Variants in GASK1A observed in about 807,000 individuals in gnomAD.
GASK1A encodes Golgi-associated kinase 1A.
Under a neutral mutation model 41.2 loss-of-function variants are expected in GASK1A, and 40 were observed. The ratio of observed to expected loss-of-function variants is 0.97; its 90% CI spans 0.75 to 1.27. GASK1A has a LOEUF of 1.27. Among genes scored for constraint, GASK1A ranks in the 50% most tolerant of loss-of-function variants. The probability of loss-of-function intolerance (pLI) is 0.00; values close to 1 mark genes in which losing one functional copy is unlikely to be tolerated. For synonymous variants in GASK1A, 316 were observed against 307.1 expected (o/e 1.03, Z -0.30); for missense variants, 678 against 745.1 (o/e 0.91, Z 1.05).
At chr3:42,986,383 T>C (rs542394) in intron 1 of GASK1A, among the ~76,000 whole-genome samples, 111,611 of 152,104 alleles carry the variant, frequency 0.73, 42,054 homozygotes, top group East Asian at 0.97. Flanking sequence ...AACTGTTGTG[T>C]CCTGACTGTG....
intron 1 of GASK1A, among the ~76,000 whole-genome samples, chr3:43,019,950 C>A (rs2089513240): frequency 6.6e-6 from 1 of 152,200 alleles, no homozygotes; most frequent in Non-Finnish European, 1.5e-5. Context: ...TTGCCCATGG[C>A]AGTTTGGTGG....
intron 1 of GASK1A, 80 bp from the exon 2 acceptor site, chr3:43,032,187 G>T: frequency 8.7e-7 from 1 of 1,153,470 alleles, no homozygotes; most frequent in Non-Finnish European, 1.2e-6. Flanking sequence ...CACCTCATTT[G>T]CTTACCATCC....
chr3:43,004,556 T>C lies in GASK1A; in HGVS notation c.3+24911T>C, dbSNP rs148597628. On this transcript the variant is annotated intron_variant, in intron 1 of 4. Coordinates refer to ENST00000430121, the MANE Select transcript of GASK1A (RefSeq NM_001129908.3). ...CTTTGGAGTTCCTTTTCATCATTTA[T>C]CAAAAATGAGGGTGGAAAACTGGAA... Among the ~76,000 whole-genome samples, 685 of 152,290 alleles carry C rather than the reference T, an allele frequency of 4.5e-3. 3 individuals are homozygous for C. Among genetic ancestry groups the C allele is most frequent in the Middle Eastern group, 0.02 (6 of 294 alleles).
chr3:43,033,032 G>T lies in GASK1A; in HGVS notation c.769G>T (p.Ala257Ser), dbSNP rs540079615. 1.5e-4 allele frequency: 234 copies of T among 1,551,704 alleles called. No individual in the cohort carries two copies. The highest frequency in any genetic ancestry group is 1.9e-4 in the Non-Finnish European group (221 of 1,147,004). Residue 257 changes from alanine to serine, a missense_variant, in exon 2 of 5, where the codon GCT (alanine) becomes TCT (serine). By Grantham distance (99) the Ala-to-Ser change is moderately conservative. Coordinates refer to ENST00000430121, the MANE Select transcript of GASK1A (RefSeq NM_001129908.3). ...LLSSSRTGGQ[A>S]PPWLTDHDVQ... Reference sequence around the variant, plus strand: ...GAGCAGCTCGAGGACTGGTGGGCAGGCTCCCCCATGGCTGACAGACCACGA... The same window carrying T: ...GAGCAGCTCGAGGACTGGTGGGCAGTCTCCCCCATGGCTGACAGACCACGA...
At chr3:43,020,123 C>G (rs967884411) in intron 1 of GASK1A, among the ~76,000 whole-genome samples, 1 of 152,086 alleles carries the variant, frequency 6.6e-6, no homozygotes, top group African/African-American at 2.4e-5. Flanking sequence ...TAGAGGCAGT[C>G]TGGGGAGTGG....
rs974433681 is a variant in GASK1A at position 43,032,466 on chromosome 3, G to A, written c.203G>A (p.Arg68Gln). The A allele has an allele frequency of 2.1e-5, 33 of 1,550,938 alleles. No individual in the cohort carries two copies. Among genetic ancestry groups the A allele is most frequent in the African/African-American group, 1.9e-4 (14 of 73,038 alleles). The change falls in exon 2 of 5, where the codon CGG (arginine) becomes CAG (glutamine). Residue 68 changes from arginine (R) to glutamine (Q), a missense_variant. By Grantham distance (43) the Arg-to-Gln change is conservative. Coordinates refer to ENST00000430121, the MANE Select transcript of GASK1A (RefSeq NM_001129908.3). ...ATCCGGCAGGCTTTGAGCTCCAGCC[G>A]GAGGCAGCGGGCAAGAAACATGGGC... The part of the protein sequence containing the change: ...THIRQALSSS[R>Q]RQRARNMGFW...
intron 4 of GASK1A, 156 bp from the exon 5 acceptor site, chr3:43,056,020 G>T: frequency 1.6e-6 from 1 of 625,564 alleles, no homozygotes; most frequent in Non-Finnish European, 2.8e-6. Flanking sequence ...CTGTTAGTGA[G>T]ATAGCAGGTG....
chr3:43,054,250 T>C (rs2089705943), intron 3 of GASK1A: 1 of 166,714 alleles, frequency 6.0e-6, no homozygotes, highest in East Asian at 1.6e-4. Flanking sequence ...AGCCTCCCTT[T>C]GCTCTTAGAG....
chr3:43,025,277 G>T (rs2089541531), intron 1 of GASK1A, among the ~76,000 whole-genome samples: 1 of 152,088 alleles, frequency 6.6e-6, no homozygotes, highest in Non-Finnish European at 1.5e-5. Context: ...GAGCTGTTTA[G>T]GAGGAAAAAT....
At chr3:43,034,566 G>A (rs2089595769) in intron 2 of GASK1A, among the ~76,000 whole-genome samples, 1 of 152,210 alleles carries the variant, frequency 6.6e-6, no homozygotes, top group African/African-American at 2.4e-5. Flanking sequence ...AATGGACATG[G>A]AACCAGCCCC....
intron 1 of GASK1A, among the ~76,000 whole-genome samples, chr3:42,996,675 G>A (rs1278822596): frequency 6.6e-6 from 1 of 152,224 alleles, no homozygotes; most frequent in African/African-American, 2.4e-5. Context: ...TGCTAGGCTG[G>A]TGATGGCAGG....
chr3:43,053,720 A>C (rs773564738), intron 3 of GASK1A, 77 bp downstream of exon 3: 5 of 1,484,048 alleles, frequency 3.4e-6, no homozygotes, highest in African/African-American at 2.8e-5. Flanking sequence ...GCTGTTAACA[A>C]GTTTCAGAGA....
intron 1 of GASK1A, among the ~76,000 whole-genome samples, chr3:43,011,399 AAT>A (rs1491242530): frequency 1.4e-5 from 2 of 147,418 alleles, no homozygotes; most frequent in Admixed American, 6.7e-5. Context: ...AAAAAAAAAA[AAT>A]GGTTAGGAGA....
intron 1 of GASK1A, 52 bp from the exon 2 acceptor site, chr3:43,032,215 G>C: frequency 1.4e-6 from 2 of 1,387,472 alleles, no homozygotes; most frequent in East Asian, 5.1e-5. Flanking sequence ...TTTGTGGGTT[G>C]AGCTGATGTA....
intron 1 of GASK1A, among the ~76,000 whole-genome samples, chr3:42,985,586 T>TGTGG (rs1237908326): frequency 0.16 from 23,380 of 144,116 alleles, 2,375 homozygotes; most frequent in Middle Eastern, 0.24. Context: ...TGTGTGTGTG[T>TGTGG]GGGCGGAGGC....
At chr3:42,986,024 T>G (rs2089307161) in intron 1 of GASK1A, among the ~76,000 whole-genome samples, 1 of 152,202 alleles carries the variant, frequency 6.6e-6, no homozygotes, top group Non-Finnish European at 1.5e-5. Context: ...CAAAAAAACC[T>G]GATGCAAATG....
At chr3:43,039,285 C>T (rs1335224685) in intron 2 of GASK1A, among the ~76,000 whole-genome samples, 1 of 150,888 alleles carries the variant, frequency 6.6e-6, no homozygotes, top group Non-Finnish European at 1.5e-5. Flanking sequence ...TCATTGCAAC[C>T]TCCACCTCCC....
intron 2 of GASK1A, among the ~76,000 whole-genome samples, chr3:43,044,606 G>A (rs1049354528): frequency 6.6e-6 from 1 of 152,192 alleles, no homozygotes; most frequent in Middle Eastern, 3.2e-3. Context: ...GGACATAGTG[G>A]AGGCAGGATT....
intron 1 of GASK1A, among the ~76,000 whole-genome samples, chr3:42,997,441 G>GA (rs1162418889): frequency 7.4e-6 from 1 of 135,738 alleles, no homozygotes; most frequent in Non-Finnish European, 1.7e-5. Flanking sequence ...AGAGAGAGGG[G>GA]GGGGGGATCT....
Sources: gnomAD v4.1 joint callset for allele counts (sites outside exome capture counted in the v4.1 genomes callset) on GRCh38, gnomAD v4.1.1 for gene constraint, MANE v1.5 for transcripts, NCBI Gene and HGNC (gene_info 2026-07-23, HGNC 2026-07-21) for gene names.